Variants in MYO5A observed in about 807,000 individuals in gnomAD.
MYO5A encodes the protein unconventional myosin-Va.
MYO5A carries 98 observed loss-of-function variants against 249.7 expected under a neutral mutation model. The ratio of observed to expected loss-of-function variants is 0.39; its 90% CI spans 0.33 to 0.46. The LOEUF is 0.46. MYO5A is among the 20% of genes least tolerant of loss of function. The pLI is 0.98. For synonymous variants in MYO5A, 778 were observed against 810.6 expected (o/e 0.96, Z 0.68); for missense variants, 1,696 against 2,308.8 (o/e 0.73, Z 5.44).
At chr15:52,400,160 A>G (rs1430040831) in intron 9 of MYO5A, among the ~76,000 whole-genome samples, 1 of 151,520 alleles carries the variant, frequency 6.6e-6, no homozygotes, top group Non-Finnish European at 1.5e-5. Flanking sequence ...TTCTTGCTAT[A>G]TTTTGATTTT....
rs1021784124 is a variant in MYO5A, at chr15:52,316,486, G to T, written c.5409+562C>A. ...CTACAGAATTTGCTAGAACCTCTACGGTAGAGTCAGTTGGATACGACTCTG... is the reference window on the plus strand; with the variant it reads ...CTACAGAATTTGCTAGAACCTCTACTGTAGAGTCAGTTGGATACGACTCTG... On this transcript the variant is annotated intron_variant, in intron 40 of 41. Coordinates refer to ENST00000399233, the MANE Select transcript of MYO5A (RefSeq NM_001382347.1). Among the ~76,000 whole-genome samples the T allele has an allele frequency of 2.0e-5, 3 of 152,066 alleles. 1 individual carries two copies. Among genetic ancestry groups the T allele is most frequent in the Non-Finnish European group, 4.4e-5 (3 of 68,014 alleles).
At chr15:52,499,588 G>C (rs1056904689) in intron 1 of MYO5A, among the ~76,000 whole-genome samples, 6 of 152,156 alleles carry the variant, frequency 3.9e-5, no homozygotes, top group African/African-American at 1.4e-4. Flanking sequence ...CACACAGTAT[G>C]TGTCTTTTGT....
At chr15:52,390,546 CTCTTTTTTTTTT>C (rs1180469722) in intron 12 of MYO5A, among the ~76,000 whole-genome samples, 116 of 149,594 alleles carry the variant, frequency 7.8e-4, no homozygotes, top group African/African-American at 2.5e-3. Context: ...ATTTCTCCCT[CTCTTTTTTTTTT>C]TCTTTTTTTT....
chr15:52,361,200 A>T (rs1375487570), intron 24 of MYO5A, among the ~76,000 whole-genome samples: 1 of 152,184 alleles, frequency 6.6e-6, no homozygotes, highest in Non-Finnish European at 1.5e-5. Context: ...TCACACATGA[A>T]GTCAAAGGCA....
chr15:52,345,568 G>A (rs1455349565), intron 30 of MYO5A, among the ~76,000 whole-genome samples: 2 of 145,904 alleles, frequency 1.4e-5, no homozygotes, highest in Non-Finnish European at 3.0e-5. Context: ...CTAGGCGAAA[G>A]AGGGAAACTC....
rs1219134469 is a variant in MYO5A at position 52,319,287 on chromosome 15, T to C, written c.5007A>G (p.Thr1669=). The C allele has an allele frequency of 1.2e-6, 2 of 1,614,186 alleles. No individual in the cohort carries two copies. Among genetic ancestry groups the C allele is most frequent in the Non-Finnish European group, 1.7e-6 (2 of 1,180,014 alleles). The change falls in exon 39 of 42, where the codon ACA becomes ACG. Residue 1669 remains threonine, a synonymous_variant. Transcript: ENST00000399233. The part of the protein sequence containing the change: ...TIQGVSGVKP[T]GLRKRTSSIA... Reference sequence around the variant, plus strand: ...TACTGGAGGTTCGCTTTCTCAACCCTGTGGGCTTCACCCCAGACACGCCCT... The same window carrying C: ...TACTGGAGGTTCGCTTTCTCAACCCCGTGGGCTTCACCCCAGACACGCCCT...
chr15:52,450,855 T>TTTTTTTTG (rs2076005906), intron 1 of MYO5A, among the ~76,000 whole-genome samples: 1 of 144,372 alleles, frequency 6.9e-6, no homozygotes, highest in Non-Finnish European at 1.5e-5. Context: ...TTTTTTTTTT[T>TTTTTTTTG]TTTTTTTTTT....
intron 1 of MYO5A, among the ~76,000 whole-genome samples, chr15:52,499,468 A>G (rs754330596): frequency 3.3e-5 from 5 of 152,294 alleles, no homozygotes; most frequent in African/African-American, 9.6e-5. Context: ...CCGAAACTCC[A>G]TATCCATTAA....
At chr15:52,451,805 C>G (rs896332043) in intron 1 of MYO5A, among the ~76,000 whole-genome samples, 1 of 152,168 alleles carries the variant, frequency 6.6e-6, no homozygotes, top group Non-Finnish European at 1.5e-5. Flanking sequence ...TTGGAAAGAC[C>G]TTCCCTGACG....
chr15:52,323,008 G>A (rs768335939), intron 37 of MYO5A, among the ~76,000 whole-genome samples: 2 of 151,916 alleles, frequency 1.3e-5, no homozygotes, highest in Non-Finnish European at 2.9e-5. Flanking sequence ...TTAATGTATT[G>A]TGGCAAGCCA....
chr15:52,492,472 A>G (rs1187842106), intron 1 of MYO5A, among the ~76,000 whole-genome samples: 1 of 152,234 alleles, frequency 6.6e-6, no homozygotes, highest in African/African-American at 2.4e-5. Flanking sequence ...GACAGGTTAC[A>G]TAGGCAAACT....
intron 9 of MYO5A, among the ~76,000 whole-genome samples, chr15:52,405,030 C>CTCTCTT (rs1175039902): frequency 7.7e-6 from 1 of 129,294 alleles, no homozygotes; most frequent in East Asian, 2.3e-4. Flanking sequence ...ATCCAACCCT[C>CTCTCTT]TCTCTTTCTC....
rs368062746 is a variant in MYO5A at position 52,375,319 on chromosome 15, T to C, written c.2562A>G (p.Arg854=). ...AATGCCTCACCTTGCGATACCTATT[T>C]CTGGCCAAGAAGCCTCGCAAGTAAG... ...LQSYLRGFLA[R]NRYRKILREH... is the part of the protein sequence containing the mutation. The change falls in exon 20 of 42, where the codon AGA becomes AGG. Residue 854 remains arginine (R), a synonymous_variant. Transcript: ENST00000399233. The C allele has an allele frequency of 1.9e-6, 3 of 1,614,032 alleles. No homozygotes were observed. Among genetic ancestry groups the C allele is most frequent in the African/African-American group, 2.7e-5 (2 of 74,922 alleles).
At chr15:52,333,753 G>C (rs1169108372) in intron 34 of MYO5A, among the ~76,000 whole-genome samples, 1 of 152,142 alleles carries the variant, frequency 6.6e-6, no homozygotes, top group Non-Finnish European at 1.5e-5. Context: ...GCTTGTAGGA[G>C]GAGGCAAGAG....
chr15:52,473,555 G>A (rs894339579), intron 1 of MYO5A, among the ~76,000 whole-genome samples: 47 of 152,022 alleles, frequency 3.1e-4, no homozygotes, highest in Non-Finnish European at 5.1e-4. Context: ...TTAATCCATC[G>A]TGAATTAATT....
At chr15:52,372,567 A>G (rs1311685303) in intron 20 of MYO5A, among the ~76,000 whole-genome samples, 2 of 152,252 alleles carry the variant, frequency 1.3e-5, no homozygotes, top group African/African-American at 4.8e-5. Context: ...AGTAGACTTT[A>G]GAAGGTGATT....
chr15:52,476,489 G>T (rs12915661), intron 1 of MYO5A, among the ~76,000 whole-genome samples: 1 of 152,100 alleles, frequency 6.6e-6, no homozygotes, highest in Non-Finnish European at 1.5e-5. Context: ...TCCTAGCATC[G>T]ATGGTCTTTA....
intron 25 of MYO5A, among the ~76,000 whole-genome samples, chr15:52,356,189 T>A (rs1371742199): frequency 6.6e-6 from 1 of 152,212 alleles, no homozygotes; most frequent in Non-Finnish European, 1.5e-5. Flanking sequence ...AACAATCATT[T>A]ATTTAACTAA....
intron 8 of MYO5A, among the ~76,000 whole-genome samples, chr15:52,406,583 C>T (rs1282540018): frequency 1.3e-5 from 2 of 152,134 alleles, no homozygotes; most frequent in Non-Finnish European, 1.5e-5. Flanking sequence ...TAAGTTAACT[C>T]ACCTGAGGGT....
Sources: allele counts gnomAD v4.1 joint callset (sites outside exome capture counted in the v4.1 genomes callset), GRCh38; gene constraint gnomAD v4.1.1; transcripts MANE v1.5; gene names NCBI Gene and HGNC (gene_info 2026-07-23, HGNC 2026-07-21).